The following DSG2 variants were observed in gnomAD, a reference collection of about 807,000 sequenced individuals.
The protein encoded by DSG2 is desmoglein-2.
A neutral mutation model predicts 75.6 loss-of-function variants in DSG2; 45 were observed. The ratio of observed to expected loss-of-function variants is 0.60; its 90% confidence interval spans 0.47 to 0.76. The LOEUF is 0.76. Among genes scored for constraint, DSG2 ranks in the 30% least tolerant of loss-of-function variants. The pLI is 0.00. For missense variants in DSG2, 1,267 were observed against 1,357.4 expected (o/e 0.93, Z 1.05); for synonymous variants, 429 against 483.9 (o/e 0.89, Z 1.49).
chr18:31,505,449 C>T (rs1335243100), intron 1 of DSG2, among the ~76,000 whole-genome samples: 3 of 152,120 alleles, frequency 2.0e-5, no homozygotes, highest in Non-Finnish European at 4.4e-5. Context: ...TAGTTTGATC[C>T]TCCTATTAAA....
At chr18:31,506,378 T>C (rs750418765) in intron 1 of DSG2, among the ~76,000 whole-genome samples, 4 of 152,226 alleles carry the variant, frequency 2.6e-5, no homozygotes, top group Non-Finnish European at 5.9e-5. Context: ...TTCAGAGATA[T>C]AATCCTGCAA....
chr18:31,540,243 T>G (rs1245169884), intron 12 of DSG2, among the ~76,000 whole-genome samples: 1 of 152,124 alleles, frequency 6.6e-6, no homozygotes, highest in Non-Finnish European at 1.5e-5. Flanking sequence ...TCAAAAAGGT[T>G]GGGGACTGCT....
At chr18:31,534,216 G>A (rs2073214834) in intron 9 of DSG2, among the ~76,000 whole-genome samples, 1 of 152,158 alleles carries the variant, frequency 6.6e-6, no homozygotes, top group African/African-American at 2.4e-5. Context: ...TTGAACTCCT[G>A]ACCTCAGGTG....
At chr18:31,530,942 T>C in intron 8 of DSG2, 45 bp from the exon 9 acceptor site, 1 of 1,599,202 alleles carries the variant, frequency 6.3e-7, no homozygotes, top group Non-Finnish European at 8.6e-7. Flanking sequence ...ATACATGTCT[T>C]CTGTTTTCTC....
At chr18:31,511,302 G>A (rs1178198280) in intron 1 of DSG2, among the ~76,000 whole-genome samples, 2 of 152,144 alleles carry the variant, frequency 1.3e-5, no homozygotes, top group Non-Finnish European at 2.9e-5. Flanking sequence ...GATGCCACTG[G>A]CATTTATCTC....
chr18:31,521,338 T>G (rs928913726), intron 5 of DSG2, 95 bp downstream of exon 5: 2 of 1,283,858 alleles, frequency 1.6e-6, no homozygotes, highest in Non-Finnish European at 2.2e-6. Flanking sequence ...TTAATGAAAG[T>G]TGAGTATTAC....
chr18:31,536,496 T>C lies in DSG2; in HGVS notation c.1651+67T>C, dbSNP rs2073231853. The C allele has an allele frequency of 1.9e-5, 27 of 1,447,462 alleles. No homozygotes were observed. In the South Asian group the frequency reaches 3.0e-4, roughly 16 times the overall value. The allele number at this position is 1,447,462 out of a possible 1,614,324, so 89.7% of individuals were successfully genotyped here. A position where few individuals can be genotyped will look rare whatever the true frequency, so the allele number is the denominator to read the frequency against. On this transcript the variant is annotated intron_variant, in intron 11 of 14. Transcript: ENST00000261590. ...GCATGATATCTAAAATATTTGTAAG[T>C]TGTATTTCTTCTCATAAATTATATT...
Position 31,546,218 on chromosome 18 carries a change from C to T in DSG2, c.2832C>T (p.Ser944=), listed in dbSNP as rs1366308041. 1.9e-6 allele frequency: 3 copies of T among 1,611,822 alleles called. No homozygotes were observed. The highest frequency in any genetic ancestry group is 1.7e-5 in the Admixed American group (1 of 59,892). The part of the protein sequence containing the change: ...IATETSYVTG[S]TMPPTTVILG... The stretch of plus-strand genomic sequence containing the variant: ...CAGAAACTTCCTATGTCACAGGGTC[C>T]ACTATGCCACCAACCACTGTGATCC... The change falls in exon 15 of 15, where the codon TCC becomes TCT. Residue 944 remains serine, a synonymous_variant. Transcript: ENST00000261590.
chr18:31,538,910 A>G lies in DSG2; in HGVS notation c.1811A>G (p.His604Arg), dbSNP rs1359949181. 1 of 1,614,178 alleles carries G rather than the reference A, an allele frequency of 6.2e-7. No homozygotes were observed. The highest frequency in any genetic ancestry group is 8.5e-7 in the Non-Finnish European group (1 of 1,180,050). ...GGCAGCGGCTGCAGGGAAGCACAGCATGACTCCTATGTGGGCCTGGGACCC... is the reference window on the plus strand; with the variant it reads ...GGCAGCGGCTGCAGGGAAGCACAGCGTGACTCCTATGTGGGCCTGGGACCC... ...LHGSGCREAQ[H>R]DSYVGLGPAA... Residue 604 changes from histidine (H) to arginine (R), a missense_variant, in exon 12 of 15, where the codon CAT (histidine) becomes CGT (arginine). Transcript: ENST00000261590.
At chr18:31,512,840 G>C (rs2073074489) in intron 1 of DSG2, among the ~76,000 whole-genome samples, 1 of 152,078 alleles carries the variant, frequency 6.6e-6, no homozygotes, top group African/African-American at 2.4e-5. Flanking sequence ...TCAAAACCTG[G>C]TCTGTCTTTG....
At chr18:31,532,302 A>T (rs1478411061) in intron 9 of DSG2, among the ~76,000 whole-genome samples, 1 of 152,020 alleles carries the variant, frequency 6.6e-6, no homozygotes, top group African/African-American at 2.4e-5. Context: ...AACTCACTGG[A>T]GTCTCTTTTT....
At chr18:31,527,934 T>C (rs940870249) in intron 8 of DSG2, among the ~76,000 whole-genome samples, 7 of 152,188 alleles carry the variant, frequency 4.6e-5, no homozygotes, top group African/African-American at 1.4e-4. Flanking sequence ...AGGCGTCTTT[T>C]GAAAGAGCAT....
intron 1 of DSG2, among the ~76,000 whole-genome samples, chr18:31,505,535 T>C (rs1358042753): frequency 6.6e-6 from 1 of 152,232 alleles, no homozygotes; most frequent in East Asian, 1.9e-4. Flanking sequence ...ACGGACGTAT[T>C]CTTTAAAAAT....
chr18:31,526,822 G>C (rs1418486478), intron 8 of DSG2, among the ~76,000 whole-genome samples: 1 of 152,156 alleles, frequency 6.6e-6, no homozygotes, highest in African/African-American at 2.4e-5. Flanking sequence ...AAATATTTTT[G>C]TGTAGCTGCA....
intron 11 of DSG2, 142 bp from the exon 12 acceptor site, chr18:31,538,609 A>G (rs1378260362): frequency 6.4e-6 from 5 of 784,308 alleles, no homozygotes; most frequent in Admixed American, 2.0e-5. Flanking sequence ...TTTAATGAGC[A>G]CACTTCAATA....
At chr18:31,544,078 G>C (rs1196820828) in intron 14 of DSG2, among the ~76,000 whole-genome samples, 2 of 152,124 alleles carry the variant, frequency 1.3e-5, no homozygotes, top group Admixed American at 6.5e-5. Context: ...CATAATGATA[G>C]TTGGAGAGTT....
In DSG2 at chr18:31,546,113, A is replaced by C. The variant is rs771675609; in HGVS notation, c.2727A>C (p.Glu909Asp). The stretch of plus-strand genomic sequence containing the variant: ...AAGTAACTCAGGAAATAGTCACTGA[A>C]AGATCTGTGTCTTCTAGGCAGGCGC... ...AEKVTQEIVTERSVSSRQAQK... is the reference protein window; with the variant it reads ...AEKVTQEIVTDRSVSSRQAQK... The change falls in exon 15 of 15, where the codon GAA becomes GAC. Residue 909 changes from glutamate (E) to aspartate (D), a missense_variant. Physicochemically the swap from Glu to Asp is conservative, Grantham distance 45 (BLOSUM62 2). Transcript: ENST00000261590. 6.2e-7 allele frequency: 1 copy of C among 1,614,196 alleles called. No homozygotes were observed. Among genetic ancestry groups the C allele is most frequent in the Non-Finnish European group, 8.5e-7 (1 of 1,180,030 alleles).
In DSG2 at chr18:31,546,152, A is replaced by G. The variant is rs1347885484; in HGVS notation, c.2766A>G (p.Thr922=). The change falls in exon 15 of 15, where the codon ACA becomes ACG. Residue 922 remains threonine (T), a synonymous_variant. Transcript: ENST00000261590. The stretch of plus-strand genomic sequence containing the variant: ...CTAGGCAGGCGCAAAAGGTAGCTAC[A>G]CCTCTTCCTGACCCAATGGCTTCTA... ...VSSRQAQKVA[T]PLPDPMASRN... is the part of the protein sequence containing the mutation. 4.3e-6 allele frequency: 7 copies of G among 1,614,106 alleles called. No homozygotes were observed. The highest frequency in any genetic ancestry group is 5.9e-6 in the Non-Finnish European group (7 of 1,180,026).
chr18:31,520,502 A>G (rs991512834), intron 3 of DSG2, among the ~76,000 whole-genome samples: 1 of 152,224 alleles, frequency 6.6e-6, no homozygotes, highest in Non-Finnish European at 1.5e-5. Flanking sequence ...AGTTCTACCC[A>G]TTTTGGTAAT....
Sources: gnomAD v4.1 joint callset for allele counts (sites outside exome capture counted in the v4.1 genomes callset) on GRCh38, gnomAD v4.1.1 for gene constraint, MANE v1.5 for transcripts, NCBI Gene and HGNC (gene_info 2026-07-23, HGNC 2026-07-21) for gene names.